DGKI: variants seen among roughly 807,000 people sequenced by gnomAD.
The protein encoded by DGKI is diacylglycerol kinase iota.
DGKI carries 55 observed loss-of-function variants against 147.5 expected under a neutral mutation model. The observed-to-expected ratio is 0.37, with a 90% CI of 0.30 to 0.47. DGKI has a LOEUF of 0.47. Ranked by LOEUF, DGKI falls within the 20% of genes least tolerant of loss-of-function variation. The probability of loss-of-function intolerance (pLI) is 1.00; values close to 1 mark genes in which losing one functional copy is unlikely to be tolerated. For missense variants in DGKI, 1,007 were observed against 1,323.8 expected (o/e 0.76, Z 3.71); for synonymous variants, 469 against 477.1 (o/e 0.98, Z 0.22).
At chr7:137,775,788 T>C (rs1303872956) in intron 1 of DGKI, among the ~76,000 whole-genome samples, 1 of 152,242 alleles carries the variant, frequency 6.6e-6, no homozygotes, top group Non-Finnish European at 1.5e-5. Context: ...TATGGGATAC[T>C]ATCCTATCAT....
intron 6 of DGKI, among the ~76,000 whole-genome samples, chr7:137,634,307 C>T (rs2129002920): frequency 6.6e-6 from 1 of 152,268 alleles, no homozygotes; most frequent in Non-Finnish European, 1.5e-5. Flanking sequence ...ATCCCTGTCA[C>T]TCCATGTGAT....
At chr7:137,793,421 C>A (rs1280128491) in intron 1 of DGKI, among the ~76,000 whole-genome samples, 1 of 152,120 alleles carries the variant, frequency 6.6e-6, no homozygotes, top group African/African-American at 2.4e-5. Flanking sequence ...CTGCCTCAGC[C>A]TCCTGAGTAG....
chr7:137,758,954 C>A (rs1795771142), intron 1 of DGKI, among the ~76,000 whole-genome samples: 1 of 152,122 alleles, frequency 6.6e-6, no homozygotes, highest in Non-Finnish European at 1.5e-5. Flanking sequence ...GTATATTCTT[C>A]TTAAATTTTT....
chr7:137,479,007 C>T (rs990165800), intron 23 of DGKI, among the ~76,000 whole-genome samples: 2 of 152,152 alleles, frequency 1.3e-5, no homozygotes, highest in Admixed American at 1.3e-4. Context: ...CTGAGCTGTG[C>T]CTCTAACCAT....
intron 12 of DGKI, among the ~76,000 whole-genome samples, chr7:137,590,435 C>T (rs1292278568): frequency 6.6e-6 from 1 of 152,218 alleles, no homozygotes; most frequent in Non-Finnish European, 1.5e-5. Flanking sequence ...ACCCAGCTCT[C>T]ATCTGAAAGT....
At chr7:137,717,125 G>A (rs1341090341) in intron 1 of DGKI, among the ~76,000 whole-genome samples, 4 of 152,208 alleles carry the variant, frequency 2.6e-5, no homozygotes, top group African/African-American at 9.6e-5. Context: ...GCACATAGAA[G>A]GTGGCCAATA....
Position 137,664,640 on chromosome 7 carries a change from A to G in DGKI, c.607-8100T>C, listed in dbSNP as rs537862507. Among the ~76,000 whole-genome samples, 3 of 152,266 alleles carry G rather than the reference A, an allele frequency of 2.0e-5. No individual in the cohort carries two copies. In the South Asian group the frequency reaches 6.2e-4, roughly 32 times the overall value. On this transcript the variant is annotated intron_variant, in intron 3 of 32. Transcript: ENST00000614521. ...CTCATGTGATGCCACCTGTGTCTAC[A>G]GGTTAGTTAAACCTTGGAATATTTA... is the stretch of plus-strand genomic sequence containing the variant.
At chr7:137,502,387 A>G (rs1248939017) in intron 21 of DGKI, among the ~76,000 whole-genome samples, 2 of 152,192 alleles carry the variant, frequency 1.3e-5, no homozygotes, top group African/African-American at 4.8e-5. Flanking sequence ...CATGTTGCAT[A>G]GCATTGTGTC....
At chr7:137,493,742 C>G (rs780602175) in intron 21 of DGKI, 18 of 701,240 alleles carry the variant, frequency 2.6e-5, no homozygotes, top group Non-Finnish European at 4.2e-5. Flanking sequence ...AGAACCAGCG[C>G]GAGAACTCTG....
intron 27 of DGKI, among the ~76,000 whole-genome samples, chr7:137,451,791 T>C (rs965287363): frequency 2.6e-5 from 4 of 152,166 alleles, no homozygotes; most frequent in African/African-American, 9.7e-5. Context: ...TAATACAATA[T>C]CCTTTTCATT....
intron 1 of DGKI, among the ~76,000 whole-genome samples, chr7:137,698,214 A>C (rs978516488): frequency 6.6e-6 from 1 of 151,954 alleles, no homozygotes; most frequent in African/African-American, 2.4e-5. Context: ...AAATACCTTG[A>C]AATAAATTAT....
At chr7:137,545,354 GA>G (rs951535250) in intron 20 of DGKI, among the ~76,000 whole-genome samples, 1 of 151,942 alleles carries the variant, frequency 6.6e-6, no homozygotes, top group Admixed American at 6.6e-5. Flanking sequence ...GTTCTCACTA[GA>G]AAAAAATAAT....
At chr7:137,518,635 C>A (rs1816860795) in intron 21 of DGKI, among the ~76,000 whole-genome samples, 1 of 151,868 alleles carries the variant, frequency 6.6e-6, no homozygotes, top group Non-Finnish European at 1.5e-5. Flanking sequence ...TGTTTTAAAC[C>A]CTAGATCTGT....
intron 30 of DGKI, among the ~76,000 whole-genome samples, chr7:137,400,071 C>A (rs753437237): frequency 3.9e-5 from 6 of 152,130 alleles, no homozygotes; most frequent in Non-Finnish European, 8.8e-5. Flanking sequence ...ATGGGATCAT[C>A]AGTGAAGGAA....
chr7:137,501,990 G>A (rs1043272533), intron 21 of DGKI, among the ~76,000 whole-genome samples: 2 of 152,266 alleles, frequency 1.3e-5, no homozygotes, highest in Non-Finnish European at 1.5e-5. Flanking sequence ...AAAAATGGGA[G>A]TTTGCCTGCA....
chr7:137,613,953 T>C (rs1820449155), intron 8 of DGKI, among the ~76,000 whole-genome samples: 1 of 152,194 alleles, frequency 6.6e-6, no homozygotes, highest in African/African-American at 2.4e-5. Flanking sequence ...GTAAAAACTC[T>C]GCATATATCA....
chr7:137,580,872 GA>G (rs1172126918), intron 15 of DGKI, among the ~76,000 whole-genome samples: 2 of 151,848 alleles, frequency 1.3e-5, no homozygotes, highest in Admixed American at 6.6e-5. Context: ...AACCTGGAGG[GA>G]AAAAAGTAAA....
chr7:137,444,187 C>T, intron 27 of DGKI, 85 bp from the exon 28 acceptor site: 1 of 835,386 alleles, frequency 1.2e-6, no homozygotes, highest in Non-Finnish European at 1.8e-6. Context: ...ATTTTACCCT[C>T]AAATTGAATT....
At chr7:137,542,586 C>T (rs77189881) in intron 20 of DGKI, among the ~76,000 whole-genome samples, 3,356 of 152,052 alleles carry the variant, frequency 0.022, 144 homozygotes, top group East Asian at 0.11. Flanking sequence ...TAGTGGTTGC[C>T]AGAGGTTGGG....
Sources: gnomAD v4.1 joint callset for allele counts (sites outside exome capture counted in the v4.1 genomes callset) on GRCh38, gnomAD v4.1.1 for gene constraint, MANE v1.5 for transcripts, NCBI Gene and HGNC (gene_info 2026-07-23, HGNC 2026-07-21) for gene names.